TASP1: variants seen among roughly 807,000 people sequenced by gnomAD.
The protein encoded by TASP1 is threonine aspartase 1.
TASP1 carries 16 observed loss-of-function variants against 56.6 expected under a neutral mutation model. That is an observed-to-expected ratio of 0.28 (90% CI 0.19 to 0.43). TASP1 has a LOEUF of 0.43. Among genes scored for constraint, TASP1 ranks in the 20% least tolerant of loss-of-function variants. The pLI is 1.00. For synonymous variants in TASP1, 179 were observed against 184.2 expected, an observed-to-expected ratio of 0.97 and a Z score of 0.23; for missense variants, 393 against 511.6, an observed-to-expected ratio of 0.77 and a Z score of 2.24.
the TASP1 span, among the ~76,000 whole-genome samples, chr20:13,189,163 A>G: frequency 6.6e-6 from 1 of 152,356 alleles, no homozygotes; most frequent in African/African-American, 2.4e-5. Context: ...CTTTAAATTT[A>G]ATTTGGCTGA....
At chr20:13,221,434 GGT>G in the TASP1 span, among the ~76,000 whole-genome samples, 3 of 145,576 alleles carry the variant, frequency 2.1e-5, no homozygotes, top group Middle Eastern at 3.6e-3. Context: ...GCCCGGCCCG[GGT>G]CCCGGGCTGT....
At chr20:13,359,081 C>T in the TASP1 span, among the ~76,000 whole-genome samples, 15 of 149,180 alleles carry the variant, frequency 1.0e-4, no homozygotes, top group African/African-American at 3.6e-4. Flanking sequence ...ATTTCCACAC[C>T]CCAACCTCTT....
intron 4 of TASP1, among the ~76,000 whole-genome samples, chr20:13,602,476 T>A (rs2047999086): frequency 6.6e-6 from 1 of 152,202 alleles, no homozygotes; most frequent in Admixed American, 6.5e-5. Context: ...TTATGACAAA[T>A]GTACCTGCTA....
At chr20:13,291,669 A>G in the TASP1 span, among the ~76,000 whole-genome samples, 3 of 152,200 alleles carry the variant, frequency 2.0e-5, no homozygotes, top group Non-Finnish European at 2.9e-5. Context: ...AGTTCCTCAG[A>G]GCAAATTATG....
the TASP1 span, chr20:13,110,161 G>A: frequency 1.2e-6 from 2 of 1,613,648 alleles, no homozygotes; most frequent in Middle Eastern, 1.7e-4. Flanking sequence ...TCTATGGCCA[G>A]CCTCGAACCC....
the TASP1 span, among the ~76,000 whole-genome samples, chr20:13,332,821 T>C: frequency 1.3e-5 from 2 of 152,234 alleles, no homozygotes; most frequent in Non-Finnish European, 2.9e-5. Flanking sequence ...TCTTTCTGCA[T>C]TCAAAGCAAA....
rs2041223440 is a variant in TASP1, at chr20:13,390,278, A to G, written c.*82T>C. 2.3e-6 allele frequency: 3 copies of G among 1,282,396 alleles called. No homozygotes were observed. The highest frequency in any genetic ancestry group is 3.3e-6 in the Non-Finnish European group (3 of 903,536). 79.4% of individuals were successfully genotyped at this position (1,282,396 alleles called of 1,614,324 possible). On this transcript the variant is annotated 3_prime_UTR_variant, in exon 14 of 14. Coordinates refer to ENST00000337743, the MANE Select transcript of TASP1 (RefSeq NM_017714.3). ...ATAGGAATTATAAAACAAGAAAGATAAAACAACCAACTTCAGTTAAAAACC... is the reference window on the plus strand; with the variant it reads ...ATAGGAATTATAAAACAAGAAAGATGAAACAACCAACTTCAGTTAAAAACC...
intron 4 of TASP1, among the ~76,000 whole-genome samples, chr20:13,621,999 C>T (rs1449534977): frequency 6.6e-6 from 1 of 152,148 alleles, no homozygotes; most frequent in Admixed American, 6.5e-5. Context: ...CATCTATCTT[C>T]TTTCTTATGT....
chr20:13,353,270 C>T, the TASP1 span, among the ~76,000 whole-genome samples: 1 of 150,828 alleles, frequency 6.6e-6, no homozygotes, highest in Non-Finnish European at 1.5e-5. Context: ...AAAAAAATGC[C>T]TTCCCTGTCT....
Position 13,619,023 on chromosome 20 carries a change from C to T in TASP1, c.282+4423G>A, listed in dbSNP as rs556417442. On this transcript the variant is annotated intron_variant, in intron 4 of 13. Coordinates refer to ENST00000337743, the MANE Select transcript of TASP1 (RefSeq NM_017714.3). ...CCAACTAGCTGGGATTACAGGAACG[C>T]GCCACAATGCCCAGCTAAATTTTGT... is the stretch of plus-strand genomic sequence containing the variant. Among the ~76,000 whole-genome samples, 16 of 152,030 alleles carry T rather than the reference C, an allele frequency of 1.1e-4. No individual in the cohort carries two copies. In the East Asian group the frequency reaches 2.7e-3, roughly 26 times the overall value.
chr20:13,435,052 G>T lies in TASP1; in HGVS notation c.1088C>A (p.Thr363Lys). Residue 363 changes from threonine (T) to lysine (K), a missense_variant, in exon 12 of 14, where the codon ACA (threonine) becomes AAA (lysine). Thr to Lys is a moderately conservative substitution (Grantham distance 78). Transcript: ENST00000337743. The part of the protein sequence containing the change: ...AEPDSSQNKQ[T>K]LLVEFLWSHT... Reference sequence around the variant, plus strand: ...GTATATGTCTCACTTACCTAGAAGTGTCTGCTTATTTTGGGAGGAGTCAGG... The same window carrying T: ...GTATATGTCTCACTTACCTAGAAGTTTCTGCTTATTTTGGGAGGAGTCAGG... The T allele has an allele frequency of 6.2e-7, 1 of 1,609,398 alleles. No homozygotes were observed. Among genetic ancestry groups the T allele is most frequent in the Non-Finnish European group, 8.5e-7 (1 of 1,177,428 alleles).
intron 8 of TASP1, among the ~76,000 whole-genome samples, chr20:13,557,572 G>GT (rs972801507): frequency 0.023 from 2,246 of 99,720 alleles, 241 homozygotes; most frequent in African/African-American, 0.05. Flanking sequence ...GATGTTTTTG[G>GT]TTTTTTTTTT....
the TASP1 span, among the ~76,000 whole-genome samples, chr20:13,347,735 G>A: frequency 2.0e-5 from 3 of 151,874 alleles, no homozygotes; most frequent in African/African-American, 4.8e-5. Context: ...CCAGCTACTC[G>A]AGAGGCTGAG....
At chr20:13,508,028 C>T (rs1053656246) in intron 10 of TASP1, among the ~76,000 whole-genome samples, 1 of 151,850 alleles carries the variant, frequency 6.6e-6, no homozygotes, top group Admixed American at 6.6e-5. Context: ...TATCTACGTG[C>T]AAAAAATAAA....
the TASP1 span, among the ~76,000 whole-genome samples, chr20:13,146,952 G>C: frequency 2.0e-5 from 3 of 152,136 alleles, no homozygotes; most frequent in African/African-American, 7.2e-5. Context: ...CTGTGAAGTG[G>C]GCCCAAAAAG....
chr20:13,507,484 T>A (rs563564690), intron 10 of TASP1, among the ~76,000 whole-genome samples: 6 of 152,188 alleles, frequency 3.9e-5, no homozygotes, highest in Admixed American at 1.3e-4. Flanking sequence ...GAGCCATGAT[T>A]GTGCAACTGT....
At chr20:13,625,062 A>C (rs531438319) in intron 3 of TASP1, 123 bp downstream of exon 3, 3 of 634,650 alleles carry the variant, frequency 4.7e-6, no homozygotes, top group Admixed American at 7.0e-5. Flanking sequence ...AACAAGCAAA[A>C]TAATTTTGTA....
chr20:13,477,496 G>A (rs565000477), intron 11 of TASP1, among the ~76,000 whole-genome samples: 29 of 152,076 alleles, frequency 1.9e-4, no homozygotes, highest in African/African-American at 6.0e-4. Context: ...GATATTAGTC[G>A]TTAAGTACTG....
chr20:13,565,082 A>G (rs929588757), intron 7 of TASP1, among the ~76,000 whole-genome samples: 4 of 152,284 alleles, frequency 2.6e-5, no homozygotes, highest in East Asian at 1.9e-4. Flanking sequence ...AAAGAGTTCA[A>G]AAATAAACTC....
Sources: gnomAD v4.1 joint callset for allele counts (sites outside exome capture counted in the v4.1 genomes callset) on GRCh38, gnomAD v4.1.1 for gene constraint, MANE v1.5 for transcripts, NCBI Gene and HGNC (gene_info 2026-07-23, HGNC 2026-07-21) for gene names.